The following FCHSD2 variants were observed in gnomAD, a reference collection of about 807,000 sequenced individuals.
FCHSD2 encodes the protein FCH and double SH3 domains 2.
In FCHSD2, 38 loss-of-function variants were observed where a neutral mutation model predicts 108.1. The ratio of observed to expected loss-of-function variants is 0.35; its 90% CI spans 0.27 to 0.46. The LOEUF is 0.46. FCHSD2 is among the 20% of genes least tolerant of loss of function. The probability of loss-of-function intolerance (pLI) is 1.00; values close to 1 mark genes in which losing one functional copy is unlikely to be tolerated. For synonymous variants in FCHSD2, 279 were observed against 314.7 expected (o/e 0.89, Z 1.20); for missense variants, 751 against 897.8 (o/e 0.84, Z 2.09).
At chr11:73,033,590 A>C (rs1858417461) in intron 3 of FCHSD2, among the ~76,000 whole-genome samples, 1 of 152,240 alleles carries the variant, frequency 6.6e-6, no homozygotes, top group Admixed American at 6.5e-5. Flanking sequence ...TAACATTAAA[A>C]GATATGAAGC....
At chr11:72,952,067 A>G (rs999984944) in intron 8 of FCHSD2, among the ~76,000 whole-genome samples, 5 of 152,198 alleles carry the variant, frequency 3.3e-5, no homozygotes, top group African/African-American at 4.8e-5. Flanking sequence ...GTAGGTCTGC[A>G]TATGTCTTAC....
chr11:72,863,474 A>G (rs560596203), intron 13 of FCHSD2, among the ~76,000 whole-genome samples: 1 of 152,296 alleles, frequency 6.6e-6, no homozygotes, highest in Admixed American at 6.5e-5. Context: ...CACCAAAAAT[A>G]TGATCCATAA....
intron 5 of FCHSD2, among the ~76,000 whole-genome samples, chr11:72,991,288 G>GA (rs1857409330): frequency 6.6e-6 from 1 of 152,102 alleles, no homozygotes; most frequent in Non-Finnish European, 1.5e-5. Flanking sequence ...GAGGTACAAG[G>GA]AGGAGCTGGT....
At chr11:73,091,805 C>T (rs969744566) in intron 2 of FCHSD2, among the ~76,000 whole-genome samples, 4 of 151,882 alleles carry the variant, frequency 2.6e-5, no homozygotes, top group African/African-American at 9.7e-5. Flanking sequence ...TTTGGGAGGC[C>T]GAGGCAGGTG....
At chr11:72,895,378 A>C (rs1855396842) in intron 10 of FCHSD2, among the ~76,000 whole-genome samples, 1 of 152,222 alleles carries the variant, frequency 6.6e-6, no homozygotes, top group Non-Finnish European at 1.5e-5. Context: ...TAATGACATG[A>C]AAGTAAAACA....
At chr11:72,883,101 A>AG in intron 12 of FCHSD2, among the ~76,000 whole-genome samples, 1 of 152,322 alleles carries the variant, frequency 6.6e-6, no homozygotes, top group Middle Eastern at 3.4e-3. Flanking sequence ...CTATCTGTAT[A>AG]GGAAAAAACA....
chr11:72,950,690 T>C (rs1856605135), intron 8 of FCHSD2, among the ~76,000 whole-genome samples: 1 of 152,182 alleles, frequency 6.6e-6, no homozygotes, highest in African/African-American at 2.4e-5. Flanking sequence ...TTTGTAGTTT[T>C]TCCTTATTTC....
At chr11:73,059,710 G>A (rs1198636078) in intron 3 of FCHSD2, among the ~76,000 whole-genome samples, 1 of 151,860 alleles carries the variant, frequency 6.6e-6, no homozygotes, top group Non-Finnish European at 1.5e-5. Context: ...TTTTCTGTGA[G>A]GTTTTCTTTC....
At chr11:73,118,702 T>C (rs1002057409) in intron 2 of FCHSD2, among the ~76,000 whole-genome samples, 1 of 152,162 alleles carries the variant, frequency 6.6e-6, no homozygotes, top group African/African-American at 2.4e-5. Context: ...TCAGAGAATA[T>C]GATGATACTA....
intron 3 of FCHSD2, among the ~76,000 whole-genome samples, chr11:73,025,062 C>T (rs1415311271): frequency 6.6e-6 from 1 of 152,166 alleles, no homozygotes; most frequent in African/African-American, 2.4e-5. Flanking sequence ...TTAGCTCAGG[C>T]ATTGTGGAAG....
chr11:73,128,162 T>A (rs7939875), intron 2 of FCHSD2, among the ~76,000 whole-genome samples: 10 of 152,122 alleles, frequency 6.6e-5, no homozygotes, highest in African/African-American at 2.4e-4. Flanking sequence ...TAACCTGACA[T>A]ACTTAATTCA....
intron 13 of FCHSD2, among the ~76,000 whole-genome samples, chr11:72,854,776 T>C (rs889785539): frequency 1.3e-5 from 2 of 152,220 alleles, no homozygotes; most frequent in African/African-American, 4.8e-5. Context: ...ATGGTGATTG[T>C]CAGAGGCTGC....
At chr11:72,941,003 G>C in intron 8 of FCHSD2, 1 of 742,862 alleles carries the variant, frequency 1.3e-6, no homozygotes, top group Non-Finnish European at 2.5e-6. Context: ...TCTACAGGCC[G>C]AAAGAGCCAT....
intron 2 of FCHSD2, among the ~76,000 whole-genome samples, chr11:73,107,047 A>G (rs1176318971): frequency 6.6e-6 from 1 of 151,916 alleles, no homozygotes; most frequent in Non-Finnish European, 1.5e-5. Flanking sequence ...ATATATATAT[A>G]TATATTTTTA....
intron 3 of FCHSD2, among the ~76,000 whole-genome samples, chr11:73,080,870 G>C (rs1268454960): frequency 3.3e-5 from 5 of 152,008 alleles, no homozygotes; most frequent in Admixed American, 2.0e-4. Flanking sequence ...CTTGAACCCA[G>C]GAGGCGGAAG....
intron 3 of FCHSD2, among the ~76,000 whole-genome samples, chr11:73,033,523 C>T (rs1219999576): frequency 6.6e-6 from 1 of 152,174 alleles, no homozygotes; most frequent in East Asian, 1.9e-4. Flanking sequence ...AGATGTAGCA[C>T]AGAAATGGAG....
chr11:72,946,157 C>A (rs911867866), intron 8 of FCHSD2, among the ~76,000 whole-genome samples: 1 of 152,002 alleles, frequency 6.6e-6, no homozygotes, highest in Non-Finnish European at 1.5e-5. Flanking sequence ...AAATGTCCAA[C>A]AATGATAGAC....
intron 8 of FCHSD2, among the ~76,000 whole-genome samples, chr11:72,958,813 GA>G (rs1183021780): frequency 6.6e-6 from 1 of 151,884 alleles, no homozygotes; most frequent in African/African-American, 2.4e-5. Flanking sequence ...TTTAAAAGTT[GA>G]AAAAAATAAA....
intron 14 of FCHSD2, among the ~76,000 whole-genome samples, chr11:72,848,861 A>AC (rs1238432120): frequency 6.6e-6 from 1 of 152,156 alleles, no homozygotes; most frequent in Non-Finnish European, 1.5e-5. Context: ...GTTTTATAAT[A>AC]CCCTGTAATA....
Sources: gnomAD v4.1 joint callset for allele counts (sites outside exome capture counted in the v4.1 genomes callset) on GRCh38, gnomAD v4.1.1 for gene constraint, MANE v1.5 for transcripts, NCBI Gene and HGNC (gene_info 2026-07-23, HGNC 2026-07-21) for gene names.